USP10: variants seen among roughly 807,000 people sequenced by gnomAD.
The protein encoded by USP10 is ubiquitin carboxyl-terminal hydrolase 10.
Under a neutral mutation model 84.5 loss-of-function variants are expected in USP10, and 22 were observed. The ratio of observed to expected loss-of-function variants is 0.26; its 90% CI spans 0.19 to 0.37. The LOEUF (loss-of-function observed/expected upper bound fraction) is 0.37, where lower values mean the gene tolerates loss of function less well. Ranked by LOEUF, USP10 falls within the 10% of genes least tolerant of loss-of-function variation. The pLI is 1.00. For missense variants in USP10, 1,019 were observed against 998.9 expected (o/e 1.02, Z -0.27); for synonymous variants, 454 against 387.6 (o/e 1.17, Z -2.01).
rs1911115941 is a variant in USP10, at chr16:84,745,474, A to G, written c.993A>G (p.Ser331=). The G allele has an allele frequency of 1.2e-6, 2 of 1,613,328 alleles. No individual in the cohort carries two copies. The highest frequency in any genetic ancestry group is 1.7e-5 in the Admixed American group (1 of 59,964). The part of the protein sequence containing the change: ...SPPADGTGSA[S]GTLPVSQPKS... ...CTGCTGACGGCACGGGCTCTGCATC[A>G]GGCACCCTTCCTGTCAGCCAGCCCA... is the stretch of plus-strand genomic sequence containing the variant. The change falls in exon 4 of 14, where the codon TCA becomes TCG. Residue 331 remains serine (S), a synonymous_variant. Transcript: ENST00000219473.
intron 12 of USP10, among the ~76,000 whole-genome samples, chr16:84,774,501 T>TC (rs1338975084): frequency 1.3e-5 from 2 of 151,434 alleles, no homozygotes; most frequent in South Asian, 2.1e-4. Flanking sequence ...GTTTTTTTCT[T>TC]GCTCTGTCAC....
chr16:84,743,290 G>A (rs1254864426), intron 3 of USP10, among the ~76,000 whole-genome samples: 1 of 152,092 alleles, frequency 6.6e-6, no homozygotes, highest in African/African-American at 2.4e-5. Context: ...TCTTGTTGGG[G>A]CAGGATTGTG....
chr16:84,720,952 G>A (rs373134780), intron 1 of USP10, among the ~76,000 whole-genome samples: 65 of 147,802 alleles, frequency 4.4e-4, no homozygotes, highest in African/African-American at 1.5e-3. Context: ...GGAGTGCAGT[G>A]GCGCGATCTC....
At chr16:84,732,862 G>A (rs747570883) in intron 1 of USP10, among the ~76,000 whole-genome samples, 1 of 152,174 alleles carries the variant, frequency 6.6e-6, no homozygotes, top group Non-Finnish European at 1.5e-5. Context: ...TCTGAATTCC[G>A]TGAAATCAGG....
chr16:84,772,375 A>G (rs924996687), intron 11 of USP10, among the ~76,000 whole-genome samples, 166 bp from the exon 12 acceptor site: 2 of 152,162 alleles, frequency 1.3e-5, no homozygotes, highest in Non-Finnish European at 2.9e-5. Flanking sequence ...TAAGAGGAGC[A>G]TTGGTAGATC....
intron 8 of USP10, 111 bp from the exon 9 acceptor site, chr16:84,762,878 T>C: frequency 1.7e-6 from 1 of 603,070 alleles, no homozygotes; most frequent in Non-Finnish European, 3.0e-6. Context: ...GGAAATACTT[T>C]ACATCTTCCA....
At chr16:84,705,312 A>T (rs958494202) in intron 1 of USP10, among the ~76,000 whole-genome samples, 1 of 151,594 alleles carries the variant, frequency 6.6e-6, no homozygotes, top group African/African-American at 2.4e-5. Context: ...TCTCACTGCA[A>T]CTTCTGCCTC....
intron 3 of USP10, among the ~76,000 whole-genome samples, chr16:84,741,247 A>G (rs1431371740): frequency 6.6e-6 from 1 of 152,240 alleles, no homozygotes; most frequent in Non-Finnish European, 1.5e-5. Context: ...AAAATTTTAG[A>G]TTTATAAGAA....
At chr16:84,778,764 CT>C in intron 13 of USP10, 130 bp from the exon 14 acceptor site, 3 of 858,318 alleles carry the variant, frequency 3.5e-6, no homozygotes. Context: ...GTGATGACAT[CT>C]CTCTGTCCCA....
At chr16:84,751,748 G>C (rs1911963987) in intron 4 of USP10, among the ~76,000 whole-genome samples, 1 of 152,190 alleles carries the variant, frequency 6.6e-6, no homozygotes, top group Non-Finnish European at 1.5e-5. Flanking sequence ...TGACAGAAAA[G>C]CAGGTCAACA....
intron 5 of USP10, 92 bp downstream of exon 5, chr16:84,758,899 C>A: frequency 1.1e-6 from 1 of 880,896 alleles, no homozygotes; most frequent in Non-Finnish European, 1.9e-6. Flanking sequence ...CGTGGGCCAT[C>A]TAGCTCTCCA....
intron 11 of USP10, among the ~76,000 whole-genome samples, chr16:84,770,092 G>C (rs1423350486): frequency 2.0e-5 from 3 of 152,176 alleles, no homozygotes; most frequent in Admixed American, 6.5e-5. Context: ...CTGTGCGATA[G>C]TGAAACCGTG....
intron 4 of USP10, among the ~76,000 whole-genome samples, chr16:84,751,903 GAAT>G (rs1911979438): frequency 6.6e-6 from 1 of 152,152 alleles, no homozygotes; most frequent in Non-Finnish European, 1.5e-5. Flanking sequence ...ATATGTGTAA[GAAT>G]AATCATAGCT....
At chr16:84,703,911 T>C (rs1266060833) in intron 1 of USP10, among the ~76,000 whole-genome samples, 1 of 152,238 alleles carries the variant, frequency 6.6e-6, no homozygotes, top group African/African-American at 2.4e-5. Flanking sequence ...ACATTCTAAA[T>C]TCCTCACTAA....
Position 84,733,487 on chromosome 16 carries a change from C to G in USP10, c.74C>G (p.Pro25Arg). Residue 25 changes from proline to arginine, a missense_variant, in exon 2 of 14, where the codon CCT becomes CGT. Physicochemically the swap from Pro to Arg is moderately radical, Grantham distance 103. Around this residue, in one of 2 missense-constraint regions of USP10, gnomAD observed 787 missense variants for 708.8 expected, o/e 1.11. Coordinates refer to ENST00000219473, the MANE Select transcript of USP10 (RefSeq NM_005153.3). ...PDEFNQFFVTPRSSVELPPYS... is the reference protein window; with the variant it reads ...PDEFNQFFVTRRSSVELPPYS... ...GAATTCAATCAATTCTTTGTGACTCCTCGATCTTCAGTTGAGGTAAGACAA... is the reference window on the plus strand; with the variant it reads ...GAATTCAATCAATTCTTTGTGACTCGTCGATCTTCAGTTGAGGTAAGACAA... 3 of 1,609,292 alleles carry G rather than the reference C, an allele frequency of 1.9e-6. No homozygotes were observed. The highest frequency in any genetic ancestry group is 2.2e-5 in the East Asian group (1 of 44,694).
chr16:84,720,190 G>C (rs1397426732), intron 1 of USP10, among the ~76,000 whole-genome samples: 1 of 152,174 alleles, frequency 6.6e-6, no homozygotes, highest in Non-Finnish European at 1.5e-5. Flanking sequence ...TCTGTAGCTA[G>C]GTTCTTTTTT....
intron 1 of USP10, 145 bp from the exon 2 acceptor site, chr16:84,733,290 T>G (rs773802330): frequency 4.7e-5 from 30 of 639,958 alleles, no homozygotes; most frequent in Non-Finnish European, 7.5e-5. Flanking sequence ...GAACTCTGAG[T>G]TGCAGATCCT....
At chr16:84,735,234 TGTG>T (rs1909774218) in intron 2 of USP10, among the ~76,000 whole-genome samples, 2 of 124,634 alleles carry the variant, frequency 1.6e-5, no homozygotes, top group African/African-American at 6.2e-5. Context: ...TGTGTGTGTG[TGTG>T]GTGTGTGTGT....
intron 3 of USP10, among the ~76,000 whole-genome samples, chr16:84,743,521 G>C (rs1910866927): frequency 6.6e-6 from 1 of 151,914 alleles, no homozygotes; most frequent in South Asian, 2.1e-4. Context: ...CCGTTCTTTG[G>C]GTATTAGTTT....
Sources: allele counts gnomAD v4.1 joint callset (sites outside exome capture counted in the v4.1 genomes callset), GRCh38; gene constraint gnomAD v4.1.1; regional missense constraint gnomAD v4.1.1; transcripts MANE v1.5; gene names NCBI Gene and HGNC (gene_info 2026-07-23, HGNC 2026-07-21).